MYOM3: variants seen among roughly 807,000 people sequenced by gnomAD.
MYOM3 encodes the protein myomesin-3.
MYOM3 carries 155 observed loss-of-function variants against 191.7 expected under a neutral mutation model. The ratio of observed to expected loss-of-function variants is 0.81; its 90% CI spans 0.71 to 0.92. The LOEUF (loss-of-function observed/expected upper bound fraction) is 0.92. Among genes scored for constraint, MYOM3 ranks in the 40% least tolerant of loss-of-function variants. The pLI, the probability that MYOM3 is intolerant of heterozygous loss-of-function variation, is 0.00. For missense variants in MYOM3, 1,889 were observed against 1,890.6 expected (o/e 1.00, Z 0.02); for synonymous variants, 757 against 762.9 (o/e 0.99, Z 0.13).
At chr1:24,079,984 G>T (rs1643646547) in intron 20 of MYOM3, 32 bp downstream of exon 20, 2 of 1,574,868 alleles carry the variant, frequency 1.3e-6, no homozygotes, top group South Asian at 1.2e-5. Flanking sequence ...AAGGCTCAGG[G>T]CCAGTCAGAA....
intron 6 of MYOM3, among the ~76,000 whole-genome samples, chr1:24,099,116 A>T (rs984773088): frequency 6.6e-6 from 1 of 152,064 alleles, no homozygotes; most frequent in African/African-American, 2.4e-5. Context: ...GCACTCTTAT[A>T]TTCCCGTGTG....
chr1:24,067,396 TTCCTTCCTTCC>T (rs1643461332), intron 27 of MYOM3, among the ~76,000 whole-genome samples: 2 of 16,716 alleles, frequency 1.2e-4, no homozygotes, highest in African/African-American at 3.2e-4. Flanking sequence ...TTTTCCTTCC[TTCCTTCCTTCC>T]TTCCTTCCTT....
In MYOM3 at chr1:24,081,986, A is replaced by G. The variant is rs748240423; in HGVS notation, c.2280+15T>C. On this transcript the variant is annotated intron_variant, in intron 18 of 36. Coordinates refer to ENST00000374434, the MANE Select transcript of MYOM3 (RefSeq NM_152372.4). ...ACAAGTCATGACACAGGCTGGGGCC[A>G]CCTTCCAGCCCTACCTTGCAGACCC... The G allele has an allele frequency of 5.1e-5, 82 of 1,600,106 alleles. No individual in the cohort carries two copies. The highest frequency in any genetic ancestry group is 1.7e-5 in the Admixed American group (1 of 59,396).
chr1:24,082,894 AG>A (rs1357111198), intron 16 of MYOM3, 180 bp from the exon 17 acceptor site: 5 of 647,030 alleles, frequency 7.7e-6, no homozygotes, highest in African/African-American at 1.9e-5. Context: ...GACACCGTGG[AG>A]GGGGTAGACC....
chr1:24,107,944 G>T, intron 3 of MYOM3, 49 bp downstream of exon 3: 1 of 1,534,922 alleles, frequency 6.5e-7, no homozygotes, highest in Non-Finnish European at 9.0e-7. Context: ...GGACTGGACA[G>T]GATGGCCCCT....
chr1:24,090,822 G>C lies in MYOM3; in HGVS notation c.1407C>G (p.Asp469Glu), dbSNP rs542672933. The change falls in exon 12 of 37, where the codon GAC becomes GAG. Residue 469 changes from aspartate to glutamate, a missense_variant. Transcript: ENST00000374434. ...SKASELVVMG[D>E]HDAARRKTEI... Reference sequence around the variant, plus strand: ...CTGTCTTCCTCCGGGCTGCATCATGGTCACCCATGACAACCAACTCTGAGG... The same window carrying C: ...CTGTCTTCCTCCGGGCTGCATCATGCTCACCCATGACAACCAACTCTGAGG... The C allele has an allele frequency of 2.4e-5, 38 of 1,613,970 alleles. No homozygotes were observed. The highest frequency in any genetic ancestry group is 3.1e-5 in the Non-Finnish European group (37 of 1,180,018).
chr1:24,080,192 G>A lies in MYOM3; in HGVS notation c.2410C>T (p.Pro804Ser), dbSNP rs1479954882. ...TCGGATGCCCGTACATCGTACGGGG[G>A]GCCTGTGACAAGTGAGAGATGGGAA... ...CKEWTMPQPG[P>S]PYDVRASEVR... Residue 804 changes from proline (P) to serine (S), a missense_variant and splice_region_variant, in exon 20 of 37, where the codon CCC becomes TCC. Coordinates refer to ENST00000374434, the MANE Select transcript of MYOM3 (RefSeq NM_152372.4). The A allele has an allele frequency of 6.2e-7, 1 of 1,607,324 alleles. No homozygotes were observed. Among genetic ancestry groups the A allele is most frequent in the Non-Finnish European group, 8.5e-7 (1 of 1,176,518 alleles).
rs200459313 is a variant in MYOM3, at chr1:24,057,468, G to T, written c.4210C>A (p.Arg1404Ser). The T allele has an allele frequency of 1.2e-6, 2 of 1,614,204 alleles. No individual in the cohort carries two copies. Among genetic ancestry groups the T allele is most frequent in the Non-Finnish European group, 1.7e-6 (2 of 1,180,042 alleles). ...IEKVNSEDSG[R>S]YGVFVKNKYG... ...TTGTTCTTGACGAAGACGCCGTAGCGGCCGCTGTCTTCACTGTTGACCTTC... is the reference window on the plus strand; with the variant it reads ...TTGTTCTTGACGAAGACGCCGTAGCTGCCGCTGTCTTCACTGTTGACCTTC... Residue 1404 changes from arginine to serine, a missense_variant, in exon 37 of 37, where the codon CGC becomes AGC. Arg to Ser is a moderately radical substitution (Grantham distance 110). Transcript: ENST00000374434.
chr1:24,105,858 G>A, intron 5 of MYOM3, 62 bp downstream of exon 5: 1 of 1,475,400 alleles, frequency 6.8e-7, no homozygotes, highest in Non-Finnish European at 9.2e-7. Context: ...AGAAGTATTG[G>A]ATGTGAGGAA....
intron 5 of MYOM3, 69 bp from the exon 6 acceptor site, chr1:24,099,844 T>C: frequency 8.9e-7 from 1 of 1,119,452 alleles, no homozygotes; most frequent in Non-Finnish European, 1.4e-6. Flanking sequence ...GCCTCTCGGA[T>C]GGGGATTCCA....
Position 24,082,012 on chromosome 1 carries a change from G to C in MYOM3, c.2269C>G (p.Arg757Gly). The change falls in exon 18 of 37, where the codon CGG becomes GGG. Residue 757 changes from arginine (R) to glycine (G), a missense_variant. Arg to Gly is a moderately radical substitution (Grantham distance 125). Transcript: ENST00000374434. Reference sequence around the variant, plus strand: ...CCTTCCAGCCCTACCTTGCAGACCCGGGTGGGGATGGGCTGCTGATTGACC... The same window carrying C: ...CCTTCCAGCCCTACCTTGCAGACCCCGGTGGGGATGGGCTGCTGATTGACC... ...HAVNQQPIPT[R>G]VCKVSDLHEG... 1.2e-6 allele frequency: 2 copies of C among 1,610,176 alleles called. No homozygotes were observed. The highest frequency in any genetic ancestry group is 1.7e-6 in the Non-Finnish European group (2 of 1,178,996).
intron 10 of MYOM3, 29 bp from the exon 11 acceptor site, chr1:24,092,344 T>G: frequency 6.7e-6 from 9 of 1,341,930 alleles, no homozygotes; most frequent in Non-Finnish European, 6.7e-6. Context: ...AGGGAGGCCC[T>G]TCTAGTCAGT....
chr1:24,080,847 C>T (rs1481710765), intron 19 of MYOM3, among the ~76,000 whole-genome samples: 6 of 152,136 alleles, frequency 3.9e-5, no homozygotes, highest in South Asian at 4.1e-4. Flanking sequence ...GTGTGATTCT[C>T]CTTCCTCAGT....
chr1:24,068,833 C>A (rs751399653), intron 25 of MYOM3, among the ~76,000 whole-genome samples: 10 of 152,148 alleles, frequency 6.6e-5, no homozygotes, highest in Non-Finnish European at 1.0e-4. Context: ...AAGCAATTCT[C>A]CTGCCTCAGT....
intron 11 of MYOM3, 74 bp downstream of exon 11, chr1:24,092,100 C>G (rs1359902960): frequency 9.0e-6 from 12 of 1,337,354 alleles, no homozygotes; most frequent in Non-Finnish European, 1.2e-5. Context: ...CATGGGGCCT[C>G]CTCTTTGCTG....
chr1:24,084,967 A>G (rs796516543), intron 15 of MYOM3, among the ~76,000 whole-genome samples: 79 of 152,244 alleles, frequency 5.2e-4, no homozygotes, highest in African/African-American at 1.7e-3. Context: ...CTTTAATCTC[A>G]GTTTTCTTTC....
chr1:24,086,487 TA>T (rs1317084490), intron 15 of MYOM3, among the ~76,000 whole-genome samples, 156 bp downstream of exon 15: 1 of 152,090 alleles, frequency 6.6e-6, no homozygotes, highest in African/African-American at 2.4e-5. Context: ...TCTGATGTCT[TA>T]AAACTCCCCA....
Position 24,089,655 on chromosome 1 carries a change from G to A in MYOM3, c.1497C>T (p.Thr499=), listed in dbSNP as rs746950293. The change falls in exon 14 of 37, where the codon ACC becomes ACT. Residue 499 remains threonine, a synonymous_variant. Transcript: ENST00000374434. ...ISTDAFEDTV[T]IPSPPTNVHA... is the part of the protein sequence containing the mutation. The stretch of plus-strand genomic sequence containing the variant: ...GGACATTGGTTGGCGGTGAGGGGAT[G>A]GTCACAGTATCTGAAATCAGAGTCA... The A allele has an allele frequency of 6.3e-7, 1 of 1,584,134 alleles. No individual in the cohort carries two copies. The highest frequency in any genetic ancestry group is 8.6e-7 in the Non-Finnish European group (1 of 1,165,198).
chr1:24,108,088 A>C lies in MYOM3; in HGVS notation c.162-15T>G. 6.2e-7 allele frequency: 1 copy of C among 1,612,260 alleles called. No individual in the cohort carries two copies. The highest frequency in any genetic ancestry group is 8.5e-7 in the Non-Finnish European group (1 of 1,179,000). On this transcript the variant is annotated splice_polypyrimidine_tract_variant and intron_variant, in intron 2 of 36. Coordinates refer to ENST00000374434, the MANE Select transcript of MYOM3 (RefSeq NM_152372.4). ...GCTCTTCTTCGCTGCTCCCAGAAGG[A>C]GGGGAGTAAATGGCTCTTGCAGGAT... is the stretch of plus-strand genomic sequence containing the variant.
Sources: gnomAD v4.1 joint callset for allele counts (sites outside exome capture counted in the v4.1 genomes callset) on GRCh38, gnomAD v4.1.1 for gene constraint, MANE v1.5 for transcripts, NCBI Gene and HGNC (gene_info 2026-07-23, HGNC 2026-07-21) for gene names.